Variants in PHACTR1 observed in about 807,000 individuals in gnomAD.
The protein encoded by PHACTR1 is phosphatase and actin regulator 1, also known as RPEL repeat containing 1.
PHACTR1 carries 16 observed loss-of-function variants against 69.2 expected under a neutral mutation model. The ratio of observed to expected loss-of-function variants is 0.23; its 90% CI spans 0.16 to 0.35. The LOEUF is 0.35. Among genes scored for constraint, PHACTR1 ranks in the 10% least tolerant of loss-of-function variants. PHACTR1 has a pLI of 1.00. For missense variants in PHACTR1, 510 were observed against 734.7 expected, an observed-to-expected ratio of 0.69 and a Z score of 3.54; for synonymous variants, 312 against 284.5, an observed-to-expected ratio of 1.10 and a Z score of -0.97.
intron 10 of PHACTR1, among the ~76,000 whole-genome samples, chr6:13,271,010 T>C (rs1223400): frequency 0.18 from 27,610 of 149,918 alleles, 2,688 homozygotes; most frequent in South Asian, 0.33. Flanking sequence ...ATGCTTTTTT[T>C]TTTTCTTTTT....
chr6:13,278,687 G>C (rs1250858375), intron 12 of PHACTR1, among the ~76,000 whole-genome samples: 4 of 152,218 alleles, frequency 2.6e-5, no homozygotes, highest in Non-Finnish European at 5.9e-5. Context: ...GCCAGGTTCA[G>C]TGGTTCATGC....
chr6:13,222,675 C>G (rs939141360), intron 8 of PHACTR1, among the ~76,000 whole-genome samples: 1 of 152,232 alleles, frequency 6.6e-6, no homozygotes, highest in Non-Finnish European at 1.5e-5. Context: ...GGCTCCTAAT[C>G]TGGGATGATT....
chr6:13,280,205 T>A (rs384730), intron 12 of PHACTR1: 94,296 of 151,970 alleles, frequency 0.62, 29,639 homozygotes, highest in Admixed American at 0.7. Context: ...GGACCCCAAA[T>A]AGTTCATAGG....
chr6:13,069,751 C>T (rs1809229706), intron 5 of PHACTR1, among the ~76,000 whole-genome samples: 1 of 152,276 alleles, frequency 6.6e-6, no homozygotes, highest in African/African-American at 2.4e-5. Context: ...GTGCTCTGCT[C>T]ATATTACTAT....
intron 5 of PHACTR1, among the ~76,000 whole-genome samples, chr6:13,080,376 T>C (rs1811185944): frequency 6.6e-6 from 1 of 152,172 alleles, no homozygotes; most frequent in Non-Finnish European, 1.5e-5. Context: ...ATTAACCCTA[T>C]TGAAGTTTTT....
chr6:13,244,704 T>C (rs1773346849), intron 10 of PHACTR1, among the ~76,000 whole-genome samples: 1 of 152,244 alleles, frequency 6.6e-6, no homozygotes, highest in South Asian at 2.1e-4. Flanking sequence ...CTCTCTCTTA[T>C]TCCCTGAACA....
chr6:12,933,990 A>T, intron 4 of PHACTR1: 1 of 1,520,762 alleles, frequency 6.6e-7, no homozygotes, highest in South Asian at 1.3e-5. Flanking sequence ...CACAAACTAC[A>T]TGACATAAAA....
intron 4 of PHACTR1, among the ~76,000 whole-genome samples, chr6:12,833,040 TTGTGGAGCCAA>T (rs1777757384): frequency 6.6e-6 from 1 of 152,104 alleles, no homozygotes. Context: ...ACAGTCTCAA[TTGTGGAGCCAA>T]TTGATTGTGT....
intron 5 of PHACTR1, among the ~76,000 whole-genome samples, chr6:13,103,451 A>G (rs2127869093): frequency 6.6e-6 from 1 of 152,356 alleles, no homozygotes; most frequent in South Asian, 2.1e-4. Flanking sequence ...TTGTAAGAAG[A>G]AATTATTCTT....
Position 12,745,192 on chromosome 6 carries a change from G to T in PHACTR1, c.104-4452G>T, listed in dbSNP as rs752566451. Among the ~76,000 whole-genome samples the T allele has an allele frequency of 2.6e-5, 4 of 152,016 alleles. No individual in the cohort carries two copies. The East Asian group carries it at 7.7e-4, about 29-fold the overall frequency. On this transcript the variant is annotated intron_variant, in intron 3 of 14. Coordinates refer to ENST00000332995, the MANE Select transcript of PHACTR1 (RefSeq NM_030948.6). ...ATATCACATCCTTCTTTCTCCCTCC[G>T]CTTCTCACCTCCATCCTCTTCCATA...
In PHACTR1 at chr6:12,753,963, TATATATA is replaced by T. The variant is rs201092761; in HGVS notation, c.250+4174_250+4180del. Among the ~76,000 whole-genome samples, 88 of 120,884 alleles carry T rather than the reference TATATATA, an allele frequency of 7.3e-4. 1 individual carries two copies. The highest frequency in any genetic ancestry group is 1.1e-3 in the South Asian group (4 of 3,600). 79.3% of individuals were successfully genotyped at this position (120,884 alleles called of 152,430 possible). A position where few individuals can be genotyped will look rare whatever the true frequency, so the allele number is the denominator to read the frequency against. Reference sequence around the variant, plus strand: ...TTGTAAATATATATATATATATATATATATATATTTTTTTTTTGAGACAGAGTCTCAC... The same window carrying T: ...TTGTAAATATATATATATATATATATTTTTTTTTTTGAGACAGAGTCTCAC... On this transcript the variant is annotated intron_variant, in intron 4 of 14. Coordinates refer to ENST00000332995, the MANE Select transcript of PHACTR1 (RefSeq NM_030948.6).
At chr6:12,940,562 G>C (rs1789955668) in intron 4 of PHACTR1, among the ~76,000 whole-genome samples, 1 of 152,192 alleles carries the variant, frequency 6.6e-6, no homozygotes, top group African/African-American at 2.4e-5. Context: ...ACTTTAAGGA[G>C]GTGGAAGTCC....
At chr6:13,133,838 C>T (rs926148787) in intron 5 of PHACTR1, among the ~76,000 whole-genome samples, 10 of 151,388 alleles carry the variant, frequency 6.6e-5, no homozygotes, top group Non-Finnish European at 1.5e-4. Context: ...GCCATCCCAT[C>T]TAGGAAGTGA....
chr6:12,920,636 C>T (rs560963276), intron 4 of PHACTR1, among the ~76,000 whole-genome samples: 5 of 152,310 alleles, frequency 3.3e-5, no homozygotes, highest in Non-Finnish European at 7.3e-5. Context: ...TTTGTAGCTA[C>T]ATTATAATTC....
At chr6:12,801,955 C>G (rs959826842) in intron 4 of PHACTR1, among the ~76,000 whole-genome samples, 3 of 151,764 alleles carry the variant, frequency 2.0e-5, no homozygotes, top group Admixed American at 1.3e-4. Context: ...ACCTTGTTTA[C>G]CATTACTTAT....
intron 3 of PHACTR1, among the ~76,000 whole-genome samples, chr6:12,726,331 T>A (rs1762793531): frequency 1.3e-5 from 2 of 152,292 alleles, no homozygotes; most frequent in South Asian, 4.2e-4. Flanking sequence ...ACCCAACTCT[T>A]ACTACGGTGA....
chr6:12,721,695 G>A (rs1762154545), intron 3 of PHACTR1, among the ~76,000 whole-genome samples: 1 of 152,138 alleles, frequency 6.6e-6, no homozygotes, highest in South Asian at 2.1e-4. Context: ...CCTTTCTCAA[G>A]TTCTGCTTTT....
rs1437608467 is a variant in PHACTR1 at position 13,098,135 on chromosome 6, T to C, written c.415+44606T>C. 2.0e-5 allele frequency among the ~76,000 whole-genome samples: 3 copies of C among 152,328 alleles called. No homozygotes were observed. In the East Asian group the frequency reaches 5.8e-4, roughly 29 times the overall value. ...CTTTGACTTTATGTTTTCCTCTGGCTACTAGTAGTTTCACCTCTCATCATG... is the reference window on the plus strand; with the variant it reads ...CTTTGACTTTATGTTTTCCTCTGGCCACTAGTAGTTTCACCTCTCATCATG... On this transcript the variant is annotated intron_variant, in intron 5 of 14. Coordinates refer to ENST00000332995, the MANE Select transcript of PHACTR1 (RefSeq NM_030948.6).
At chr6:12,861,732 C>G (rs1411838646) in intron 4 of PHACTR1, among the ~76,000 whole-genome samples, 1 of 152,174 alleles carries the variant, frequency 6.6e-6, no homozygotes, top group Non-Finnish European at 1.5e-5. Context: ...TATATAAATA[C>G]TATGTAGGAC....
Sources: allele counts gnomAD v4.1 joint callset (sites outside exome capture counted in the v4.1 genomes callset), GRCh38; gene constraint gnomAD v4.1.1; transcripts MANE v1.5; gene names NCBI Gene and HGNC (gene_info 2026-07-23, HGNC 2026-07-21).